The following SAMTOR variants were observed in gnomAD, a reference collection of about 807,000 sequenced individuals.
SAMTOR encodes the protein S-adenosylmethionine sensor upstream of mTORC1.
At chr7:112,887,283 C>A in the SAMTOR span, among the ~76,000 whole-genome samples, 1 of 150,770 alleles carries the variant, frequency 6.6e-6, no homozygotes, top group Non-Finnish European at 1.5e-5. Flanking sequence ...GTCCTACTGG[C>A]CTTAGGTTTG....
the SAMTOR span, among the ~76,000 whole-genome samples, chr7:112,865,378 A>T: frequency 6.6e-6 from 1 of 152,052 alleles, no homozygotes; most frequent in Non-Finnish European, 1.5e-5. Flanking sequence ...CCTGGGTTCA[A>T]GGGATTCTCG....
the SAMTOR span, among the ~76,000 whole-genome samples, chr7:112,823,609 T>C: frequency 6.6e-6 from 1 of 152,224 alleles, no homozygotes; most frequent in Non-Finnish European, 1.5e-5. Flanking sequence ...TTTTGGTTAT[T>C]ACATTTCAAG....
the SAMTOR span, among the ~76,000 whole-genome samples, chr7:112,925,794 C>CAAA: frequency 9.3e-6 from 1 of 107,904 alleles, no homozygotes. Flanking sequence ...AGCTCTGTCT[C>CAAA]AAAAAAAAAA....
the SAMTOR span, among the ~76,000 whole-genome samples, chr7:112,824,080 CCT>C: frequency 6.6e-6 from 1 of 151,884 alleles, no homozygotes; most frequent in Non-Finnish European, 1.5e-5. Context: ...TGATGCAAGT[CCT>C]TTATGATATA....
chr7:112,835,074 A>G, the SAMTOR span, among the ~76,000 whole-genome samples: 1 of 152,134 alleles, frequency 6.6e-6, no homozygotes, highest in African/African-American at 2.4e-5. Flanking sequence ...ATATAAAAAC[A>G]TAGTATGTAT....
the SAMTOR span, among the ~76,000 whole-genome samples, chr7:112,915,988 C>T: frequency 6.6e-6 from 1 of 152,106 alleles, no homozygotes; most frequent in African/African-American, 2.4e-5. Context: ...GGTAAGATGA[C>T]AATGTAAATT....
the SAMTOR span, among the ~76,000 whole-genome samples, chr7:112,921,387 T>C: frequency 6.6e-6 from 1 of 151,296 alleles, no homozygotes; most frequent in African/African-American, 2.4e-5. Flanking sequence ...GAAAACTGGC[T>C]AGCCATATGT....
chr7:112,889,867 T>C, the SAMTOR span, among the ~76,000 whole-genome samples: 2 of 152,100 alleles, frequency 1.3e-5, no homozygotes, highest in African/African-American at 4.8e-5. Flanking sequence ...CGTTAAAAAA[T>C]AGCAGCTTCA....
At chr7:112,915,220 G>A in the SAMTOR span, 18 of 1,361,054 alleles carry the variant, frequency 1.3e-5, no homozygotes, top group Non-Finnish European at 1.8e-5. Context: ...CTGGGTGACA[G>A]AGCAAGACTC....
At chr7:112,848,935 G>A in the SAMTOR span, among the ~76,000 whole-genome samples, 5 of 151,738 alleles carry the variant, frequency 3.3e-5, no homozygotes, top group African/African-American at 9.7e-5. Flanking sequence ...TGTAATCCCC[G>A]CTACTCGGGA....
At chr7:112,888,610 T>C in the SAMTOR span, among the ~76,000 whole-genome samples, 1 of 152,082 alleles carries the variant, frequency 6.6e-6, no homozygotes, top group Non-Finnish European at 1.5e-5. Flanking sequence ...TAACAAAAAT[T>C]GGGTATGCAT....
At chr7:112,869,565 T>TA in the SAMTOR span, among the ~76,000 whole-genome samples, 157 of 143,066 alleles carry the variant, frequency 1.1e-3, 1 homozygote, top group South Asian at 2.7e-3. Context: ...GCATAAAAAT[T>TA]AAAAAAAAAA....
the SAMTOR span, among the ~76,000 whole-genome samples, chr7:112,907,451 T>C: frequency 6.6e-6 from 1 of 152,072 alleles, no homozygotes; most frequent in Admixed American, 6.5e-5. Flanking sequence ...GGAAAGCTTT[T>C]CTAAGACAAT....
the SAMTOR span, among the ~76,000 whole-genome samples, chr7:112,831,197 T>G: frequency 2.6e-5 from 4 of 152,190 alleles, no homozygotes; most frequent in Non-Finnish European, 5.9e-5. Flanking sequence ...TGTAAAAATT[T>G]TTATGTCTAG....
chr7:112,857,885 G>A, the SAMTOR span, among the ~76,000 whole-genome samples: 1 of 152,154 alleles, frequency 6.6e-6, no homozygotes, highest in Non-Finnish European at 1.5e-5. Context: ...CCAGTAAGAT[G>A]AGCTTGTCAG....
At chr7:112,876,035 A>AGG in the SAMTOR span, among the ~76,000 whole-genome samples, 1 of 152,106 alleles carries the variant, frequency 6.6e-6, no homozygotes, top group African/African-American at 2.4e-5. Context: ...ATCTTAGCTC[A>AGG]CCACAGCCTC....
At chr7:112,837,961 C>G in the SAMTOR span, among the ~76,000 whole-genome samples, 4 of 152,066 alleles carry the variant, frequency 2.6e-5, no homozygotes, top group Admixed American at 1.3e-4. Flanking sequence ...ATGTATTTTT[C>G]TTCGTTAAGG....
At chr7:112,821,909 T>C in the SAMTOR span, 16 of 1,613,246 alleles carry the variant, frequency 9.9e-6, no homozygotes, top group East Asian at 3.3e-4. Context: ...GGTTAGAATA[T>C]TCCTCATCTT....
chr7:112,916,214 A>G, the SAMTOR span, among the ~76,000 whole-genome samples: 1 of 152,236 alleles, frequency 6.6e-6, no homozygotes, highest in Non-Finnish European at 1.5e-5. Context: ...TTATTTAAAT[A>G]AAATTAAATC....
Sources: allele counts gnomAD v4.1 joint callset (sites outside exome capture counted in the v4.1 genomes callset), GRCh38; gene constraint gnomAD v4.1.1; transcripts MANE v1.5; gene names NCBI Gene and HGNC (gene_info 2026-07-23, HGNC 2026-07-21).